BICDL1: variants seen among roughly 807,000 people sequenced by gnomAD.
The protein encoded by BICDL1 is BICD family-like cargo adapter 1.
BICDL1 carries 20 observed loss-of-function variants against 76.8 expected under a neutral mutation model. The observed-to-expected ratio is 0.26, with a 90% confidence interval of 0.18 to 0.38. BICDL1 has a LOEUF of 0.38. BICDL1 is among the 10% of genes least tolerant of loss of function. The pLI is 1.00. For missense variants in BICDL1, 700 were observed against 798.6 expected (o/e 0.88, Z 1.49); for synonymous variants, 383 against 337.1 (o/e 1.14, Z -1.49).
chr12:120,043,871 T>C (rs751028748), intron 2 of BICDL1, among the ~76,000 whole-genome samples: 8 of 152,250 alleles, frequency 5.3e-5, no homozygotes, highest in Non-Finnish European at 8.8e-5. Flanking sequence ...ATAGGAGATA[T>C]AATTTCTGCC....
intron 2 of BICDL1, among the ~76,000 whole-genome samples, chr12:120,051,790 A>G (rs1317305541): frequency 6.6e-6 from 1 of 152,182 alleles, no homozygotes; most frequent in African/African-American, 2.4e-5. Flanking sequence ...CTATTAACTA[A>G]TCTACATACC....
At chr12:120,070,900 T>G (rs933746570) in intron 4 of BICDL1, among the ~76,000 whole-genome samples, 2 of 151,536 alleles carry the variant, frequency 1.3e-5, no homozygotes, top group African/African-American at 4.8e-5. Flanking sequence ...CCCAGCTAAT[T>G]TTTGTATTTT....
intron 2 of BICDL1, among the ~76,000 whole-genome samples, chr12:120,036,823 C>T (rs2138787636): frequency 6.6e-6 from 1 of 152,280 alleles, no homozygotes; most frequent in East Asian, 1.9e-4. Flanking sequence ...TTGCAGTGAG[C>T]CAAGATCATG....
chr12:120,023,135 C>T (rs1952216548), intron 2 of BICDL1, among the ~76,000 whole-genome samples: 1 of 152,178 alleles, frequency 6.6e-6, no homozygotes, highest in Non-Finnish European at 1.5e-5. Context: ...AATCTTTTGA[C>T]TTCCCTGGGC....
chr12:120,006,804 G>A (rs550961135), intron 2 of BICDL1, among the ~76,000 whole-genome samples: 1 of 152,172 alleles, frequency 6.6e-6, no homozygotes, highest in East Asian at 1.9e-4. Flanking sequence ...GCTACCAGGG[G>A]TTTTAGTCAG....
intron 8 of BICDL1, among the ~76,000 whole-genome samples, chr12:120,082,137 A>G (rs905822729): frequency 1.3e-5 from 2 of 152,162 alleles, no homozygotes; most frequent in Non-Finnish European, 2.9e-5. Context: ...TTTTCATATT[A>G]CATTTATTTG....
chr12:120,023,585 T>C (rs1952226541), intron 2 of BICDL1, among the ~76,000 whole-genome samples: 2 of 151,988 alleles, frequency 1.3e-5, no homozygotes, highest in Admixed American at 1.3e-4. Flanking sequence ...GGTCAGGAGT[T>C]CAAGACCAGC....
In BICDL1 at chr12:120,079,457, C is replaced by CA. The variant is rs1456489445; in HGVS notation, c.1453-1429dup. Among the ~76,000 whole-genome samples, 1 of 152,096 alleles carries CA rather than the reference C, an allele frequency of 6.6e-6. No homozygotes were observed. Among genetic ancestry groups the CA allele is most frequent in the Non-Finnish European group, 1.5e-5 (1 of 68,018 alleles). On this transcript the variant is annotated intron_variant, in intron 7 of 9. Coordinates refer to ENST00000548673, the MANE Select transcript of BICDL1 (RefSeq NM_001367886.1). This position sits in a 1 kb window ranked among gnomAD's most constrained non-coding sequence, Gnocchi z 4.3. ...AACAGAGGAGTATGCTGAAAGGTGGCATTTGTCCCGTTGTGGGAGGGAGGC... is the reference window on the plus strand; with the variant it reads ...AACAGAGGAGTATGCTGAAAGGTGGCAATTTGTCCCGTTGTGGGAGGGAGGC...
In BICDL1 at chr12:120,080,997, C is replaced by T; in HGVS notation, c.1563C>T (p.Asp521=). ...AGCAGCTTCAGAAGGCCATCAGGGA[C>T]CGCGACGAGGCCATTGCAAAGTGAG... ...PKEQLQKAIR[D]RDEAIAKKNA... Residue 521 remains aspartate, a synonymous_variant, in exon 8 of 10, where the codon GAC becomes GAT. Transcript: ENST00000548673. 5 of 1,613,558 alleles carry T rather than the reference C, an allele frequency of 3.1e-6. No homozygotes were observed. The highest frequency in any genetic ancestry group is 3.4e-6 in the Non-Finnish European group (4 of 1,179,854).
intron 2 of BICDL1, among the ~76,000 whole-genome samples, chr12:120,029,490 T>G (rs1021524171): frequency 6.6e-6 from 1 of 152,216 alleles, no homozygotes; most frequent in South Asian, 2.1e-4. Flanking sequence ...CTTTCTTTAA[T>G]AGCATCAATG....
At chr12:120,086,995 C>G (rs1488349819) in intron 8 of BICDL1, among the ~76,000 whole-genome samples, 3 of 152,196 alleles carry the variant, frequency 2.0e-5, no homozygotes, top group African/African-American at 7.2e-5. Flanking sequence ...GGCTGTAGCC[C>G]TGGGCCCATC....
At chr12:120,018,859 C>G (rs920933757) in intron 2 of BICDL1, 1 of 151,986 alleles carries the variant, frequency 6.6e-6, no homozygotes, top group African/African-American at 2.4e-5. Context: ...TCTTGGCCAA[C>G]GTGGTGAAAC....
intron 9 of BICDL1, chr12:120,091,865 A>G: frequency 3.0e-6 from 3 of 985,356 alleles, no homozygotes; most frequent in Non-Finnish European, 3.6e-6. Context: ...TCATCTCGTC[A>G]GTGGCTGCTC....
chr12:120,053,654 C>T (rs766407233), intron 2 of BICDL1, among the ~76,000 whole-genome samples: 1 of 152,168 alleles, frequency 6.6e-6, no homozygotes, highest in African/African-American at 2.4e-5. Context: ...ATTCCAGGCT[C>T]ATCCTGTATT....
chr12:119,991,406 T>C (rs1951520604), intron 1 of BICDL1, among the ~76,000 whole-genome samples: 1 of 152,156 alleles, frequency 6.6e-6, no homozygotes, highest in South Asian at 2.1e-4. Context: ...TCCAGCGACG[T>C]AAAAGTAAAT....
chr12:120,065,817 A>G (rs1159795547), intron 4 of BICDL1, among the ~76,000 whole-genome samples: 2 of 152,218 alleles, frequency 1.3e-5, no homozygotes, highest in African/African-American at 4.8e-5. Context: ...GGTATGGGAT[A>G]AGGAAATATA....
rs150000430 is a variant in BICDL1 at position 120,065,031 on chromosome 12, A to C, written c.909+152A>C. ...CGCTGTGGGGCCTGGGGCATTCACT[A>C]ACTTGGCTCTTCCGACTCTGCCTAA... On this transcript the variant is annotated intron_variant, in intron 4 of 9. Coordinates refer to ENST00000548673, the MANE Select transcript of BICDL1 (RefSeq NM_001367886.1). The C allele has an allele frequency of 3.6e-4, 285 of 783,792 alleles. 3 individuals carry two copies. The East Asian group carries it at 7.5e-3, about 21-fold the overall frequency. The allele number at this position is 783,792 out of a possible 1,614,324, so 48.6% of individuals were successfully genotyped here.
At chr12:120,061,079 G>C (rs2138897153) in intron 2 of BICDL1, among the ~76,000 whole-genome samples, 1 of 152,338 alleles carries the variant, frequency 6.6e-6, no homozygotes, top group East Asian at 1.9e-4. Context: ...TGCAACACCA[G>C]ATGGTATTTG....
At chr12:120,043,757 C>T (rs1189199261) in intron 2 of BICDL1, among the ~76,000 whole-genome samples, 1 of 152,222 alleles carries the variant, frequency 6.6e-6, no homozygotes, top group Non-Finnish European at 1.5e-5. Flanking sequence ...CATAGCTTGA[C>T]TTTTGCAAGA....
Sources: gnomAD v4.1 joint callset for allele counts (sites outside exome capture counted in the v4.1 genomes callset) on GRCh38, gnomAD v4.1.1 for gene constraint, Gnocchi (gnomAD v3.1) non-coding constraint, MANE v1.5 for transcripts, NCBI Gene and HGNC (gene_info 2026-07-23, HGNC 2026-07-21) for gene names.